The following STAM2 variants were observed in gnomAD, a reference collection of about 807,000 sequenced individuals.
STAM2 encodes signal transducing adapter molecule 2.
A neutral mutation model predicts 65.6 loss-of-function variants in STAM2; 51 were observed. That is an observed-to-expected ratio of 0.78 (90% CI 0.62 to 0.98). The LOEUF is 0.98. Among genes scored for constraint, STAM2 ranks in the 50% least tolerant of loss-of-function variants. The pLI is 0.00. For missense variants in STAM2, 584 were observed against 617.8 expected, an observed-to-expected ratio of 0.95 and a Z score of 0.58; for synonymous variants, 198 against 208.4, an observed-to-expected ratio of 0.95 and a Z score of 0.43.
chr2:152,174,879 T>A (rs142589914), intron 1 of STAM2, among the ~76,000 whole-genome samples: 1 of 152,234 alleles, frequency 6.6e-6, no homozygotes, highest in Non-Finnish European at 1.5e-5. Context: ...TAATTTCGTA[T>A]ATATCTTATC....
chr2:152,152,891 G>A (rs1472306765), intron 1 of STAM2, among the ~76,000 whole-genome samples: 1 of 152,106 alleles, frequency 6.6e-6, no homozygotes, highest in South Asian at 2.1e-4. Flanking sequence ...AAACTTGAGG[G>A]GGGCTCAAAA....
Position 152,120,158 on chromosome 2 carries a change from A to G in STAM2, c.*416T>C, listed in dbSNP as rs958314010. On this transcript the variant is annotated 3_prime_UTR_variant, in exon 14 of 14. Transcript: ENST00000263904. ...TTTAAAATAATATTTTAATCCTCCT[A>G]TCTCATACTGTTTATAAGTATGAGA... 1 of 150,038 alleles carries G rather than the reference A, an allele frequency of 6.7e-6. No individual in the cohort carries two copies. The highest frequency in any genetic ancestry group is 2.7e-5 in the African/African-American group (1 of 37,444). 9.3% of individuals were successfully genotyped at this position (150,038 alleles called of 1,614,324 possible).
chr2:152,137,278 A>G (rs938170189), intron 7 of STAM2, among the ~76,000 whole-genome samples: 1 of 152,164 alleles, frequency 6.6e-6, no homozygotes, highest in Non-Finnish European at 1.5e-5. Flanking sequence ...GCATGTAACA[A>G]TGTCATCTTC....
chr2:152,127,827 A>C (rs1051297672), intron 11 of STAM2, among the ~76,000 whole-genome samples: 18 of 152,274 alleles, frequency 1.2e-4, no homozygotes, highest in African/African-American at 4.1e-4. Context: ...GTAATAAAGA[A>C]CTCTCTTTGC....
intron 1 of STAM2, among the ~76,000 whole-genome samples, chr2:152,157,020 G>C (rs1265313062): frequency 2.0e-5 from 3 of 152,090 alleles, no homozygotes; most frequent in Non-Finnish European, 4.4e-5. Context: ...TGAGGGAAGG[G>C]AAATATGTAG....
chr2:152,121,209 A>T (rs1487466122), intron 13 of STAM2, among the ~76,000 whole-genome samples: 1 of 152,214 alleles, frequency 6.6e-6, no homozygotes, highest in Admixed American at 6.5e-5. Flanking sequence ...ACTGGGCTCA[A>T]GTGATCCTCT....
At chr2:152,175,477 C>A in intron 1 of STAM2, 126 bp downstream of exon 1, 1 of 1,262,192 alleles carries the variant, frequency 7.9e-7, no homozygotes, top group Non-Finnish European at 1.1e-6. Flanking sequence ...GAGCGGGCGG[C>A]ACCGCCCCTC....
chr2:152,149,279 A>G (rs1254688849), intron 2 of STAM2, among the ~76,000 whole-genome samples: 2 of 152,086 alleles, frequency 1.3e-5, no homozygotes, highest in African/African-American at 4.8e-5. Flanking sequence ...TCAAGGCTTT[A>G]ATTATGTGTG....
At chr2:152,155,074 C>T (rs1689516557) in intron 1 of STAM2, among the ~76,000 whole-genome samples, 1 of 152,198 alleles carries the variant, frequency 6.6e-6, no homozygotes, top group Non-Finnish European at 1.5e-5. Context: ...TTTGCCACAA[C>T]CTTTCACCAC....
At chr2:152,150,050 G>C (rs1284981040) in intron 2 of STAM2, 95 bp downstream of exon 2, 3 of 829,232 alleles carry the variant, frequency 3.6e-6, no homozygotes, top group Non-Finnish European at 5.9e-6. Flanking sequence ...GGTCAACTGT[G>C]ATAAAGTCTC....
At chr2:152,153,885 T>TAC (rs70974824) in intron 1 of STAM2, among the ~76,000 whole-genome samples, 9,170 of 144,654 alleles carry the variant, frequency 0.063, 465 homozygotes, top group African/African-American at 0.14. Context: ...AGACATTACA[T>TAC]ACACACACAC....
At chr2:152,122,330 TTGGAAGA>T (rs1422485634) in intron 13 of STAM2, among the ~76,000 whole-genome samples, 2 of 151,592 alleles carry the variant, frequency 1.3e-5, no homozygotes, top group African/African-American at 4.8e-5. Flanking sequence ...GAGTCAGAGG[TTGGAAGA>T]TCCCTTAAGC....
chr2:152,160,734 C>G (rs1689654462), intron 1 of STAM2, among the ~76,000 whole-genome samples: 1 of 147,658 alleles, frequency 6.8e-6, no homozygotes, highest in African/African-American at 2.5e-5. Flanking sequence ...GCTGCCCCAT[C>G]CGGGAGGTGA....
chr2:152,126,742 A>T (rs1688970167), intron 11 of STAM2, among the ~76,000 whole-genome samples: 1 of 152,164 alleles, frequency 6.6e-6, no homozygotes. Flanking sequence ...AGCAGATGGG[A>T]AATTGGGTGT....
intron 6 of STAM2, 108 bp from the exon 7 acceptor site, chr2:152,144,121 T>A: frequency 2.1e-6 from 2 of 945,434 alleles, no homozygotes; most frequent in South Asian, 1.6e-5. Flanking sequence ...TTTATTTGTC[T>A]AATTACATGC....
intron 7 of STAM2, among the ~76,000 whole-genome samples, chr2:152,141,421 C>A (rs1689244745): frequency 6.6e-6 from 1 of 151,534 alleles, no homozygotes; most frequent in African/African-American, 2.4e-5. Context: ...GTAATCCCAG[C>A]TCCTGGGGAG....
intron 1 of STAM2, among the ~76,000 whole-genome samples, chr2:152,162,688 T>C (rs1440339197): frequency 6.6e-6 from 1 of 152,140 alleles, no homozygotes; most frequent in Non-Finnish European, 1.5e-5. Context: ...GTTGCCCAGG[T>C]TGGAGTATAG....
In STAM2 at chr2:152,118,730, T is replaced by C. The variant is rs975361052; in HGVS notation, c.*1844A>G. 1 of 151,970 alleles carries C rather than the reference T, an allele frequency of 6.6e-6. No individual in the cohort carries two copies. The highest frequency in any genetic ancestry group is 1.5e-5 in the Non-Finnish European group (1 of 67,924). 9.4% of individuals were successfully genotyped at this position (151,970 alleles called of 1,614,324 possible). A position where few individuals can be genotyped will look rare whatever the true frequency, so the allele number is the denominator to read the frequency against. ...TTTAAATGTTTTTTAAAAATTATTA[T>C]TTTGTAAATAACAGAAGATTTGTTT... is the stretch of plus-strand genomic sequence containing the variant. On this transcript the variant is annotated 3_prime_UTR_variant, in exon 14 of 14. Coordinates refer to ENST00000263904, the MANE Select transcript of STAM2 (RefSeq NM_005843.6).
intron 11 of STAM2, chr2:152,131,746 A>C (rs1689067148): frequency 4.5e-6 from 1 of 221,160 alleles, no homozygotes; most frequent in African/African-American, 2.3e-5. Flanking sequence ...AATGTTGGCC[A>C]AAACTGCTGT....
Sources: allele counts gnomAD v4.1 joint callset (sites outside exome capture counted in the v4.1 genomes callset), GRCh38; gene constraint gnomAD v4.1.1; transcripts MANE v1.5; gene names NCBI Gene and HGNC (gene_info 2026-07-23, HGNC 2026-07-21).